The following TPD52 variants were observed in gnomAD, a reference collection of about 807,000 sequenced individuals.
The protein encoded by TPD52 is tumor protein D52.
In TPD52, 17 loss-of-function variants were observed where a neutral mutation model predicts 31.3. The observed-to-expected ratio is 0.54, with a 90% confidence interval of 0.37 to 0.82. The LOEUF is 0.82. TPD52 is among the 40% of genes least tolerant of loss of function. TPD52 has a pLI of 0.00. For synonymous variants in TPD52, 83 were observed against 89.6 expected (o/e 0.93, Z 0.42); for missense variants, 212 against 240.1 (o/e 0.88, Z 0.77).
chr8:80,164,050 G>C (rs1811548405), intron 1 of TPD52, among the ~76,000 whole-genome samples: 1 of 138,244 alleles, frequency 7.2e-6, no homozygotes, highest in Admixed American at 7.3e-5. Context: ...GAGAGAGAGA[G>C]AGAGACAGAC....
At chr8:80,170,902 T>C (rs1445421658) in intron 1 of TPD52, 1 of 293,216 alleles carries the variant, frequency 3.4e-6, no homozygotes, top group African/African-American at 2.3e-5. Flanking sequence ...GGGTTTCTAG[T>C]ATGATAAATA....
intron 5 of TPD52, among the ~76,000 whole-genome samples, chr8:80,048,272 T>A (rs1406974045): frequency 6.6e-6 from 1 of 152,192 alleles, no homozygotes; most frequent in Non-Finnish European, 1.5e-5. Context: ...AAGGCAAATA[T>A]CTAAATCCCA....
intron 1 of TPD52, among the ~76,000 whole-genome samples, chr8:80,073,181 AC>A (rs1814129286): frequency 6.6e-6 from 1 of 152,102 alleles, no homozygotes; most frequent in African/African-American, 2.4e-5. Context: ...TACCTCCCAT[AC>A]TTTTTGGCCC....
intron 1 of TPD52, among the ~76,000 whole-genome samples, chr8:80,103,540 T>C (rs1014201160): frequency 6.6e-6 from 1 of 152,190 alleles, no homozygotes; most frequent in Non-Finnish European, 1.5e-5. Flanking sequence ...AGATCTGATA[T>C]CAGAAGTGGG....
chr8:80,062,021 C>T lies in TPD52; in HGVS notation c.135+2457G>A, dbSNP rs376461329. ...ACCAAGTCAATCTATAAACTGAACG[C>T]GAGCCCTATCAAAATGCCAACAGCA... On this transcript the variant is annotated intron_variant, in intron 2 of 7. Transcript: ENST00000518937. Among the ~76,000 whole-genome samples, 10 of 152,200 alleles carry T rather than the reference C, an allele frequency of 6.6e-5. No homozygotes were observed. The East Asian group carries it at 1.3e-3, about 21-fold the overall frequency.
chr8:80,123,973 C>A (rs1052677754), intron 1 of TPD52, among the ~76,000 whole-genome samples: 3 of 152,144 alleles, frequency 2.0e-5, no homozygotes, highest in Admixed American at 2.0e-4. Context: ...TTATCAGCGA[C>A]AGCATGTCAG....
At chr8:80,080,616 T>C (rs551321144) in intron 1 of TPD52, 4 of 1,375,988 alleles carry the variant, frequency 2.9e-6, no homozygotes, top group East Asian at 5.1e-5. Context: ...GCATTTCCTT[T>C]TGGGAGCCTT....
intron 5 of TPD52, among the ~76,000 whole-genome samples, chr8:80,046,242 A>G (rs1247047882): frequency 6.6e-6 from 1 of 152,268 alleles, no homozygotes; most frequent in East Asian, 1.9e-4. Context: ...TGTATGCATT[A>G]TATCACACTT....
intron 1 of TPD52, among the ~76,000 whole-genome samples, chr8:80,107,828 A>G (rs1394703077): frequency 6.6e-6 from 1 of 152,210 alleles, no homozygotes; most frequent in Non-Finnish European, 1.5e-5. Flanking sequence ...TCGGTAAAAT[A>G]AAATGGGAGT....
chr8:80,100,916 C>G (rs1178945779), intron 1 of TPD52, among the ~76,000 whole-genome samples: 1 of 152,210 alleles, frequency 6.6e-6, no homozygotes, highest in Non-Finnish European at 1.5e-5. Flanking sequence ...CATCCAAAAA[C>G]AGCCTCAGAC....
At chr8:80,134,603 T>C (rs945532263) in intron 1 of TPD52, among the ~76,000 whole-genome samples, 8 of 152,206 alleles carry the variant, frequency 5.3e-5, no homozygotes, top group Admixed American at 1.3e-4. Flanking sequence ...GGAGTATCCT[T>C]GGCATTACTA....
At chr8:80,105,807 A>G (rs7011942) in intron 1 of TPD52, among the ~76,000 whole-genome samples, 95,302 of 148,806 alleles carry the variant, frequency 0.64, 31,877 homozygotes, top group African/African-American at 0.84. Flanking sequence ...TCTTGGCTCA[A>G]TGCAACCTCT....
chr8:80,038,756 C>A (rs1810102656), intron 7 of TPD52, among the ~76,000 whole-genome samples: 1 of 152,116 alleles, frequency 6.6e-6, no homozygotes, highest in African/African-American at 2.4e-5. Context: ...ATTAGAAATG[C>A]AGGATCTCAG....
At chr8:80,081,715 A>AT (rs11433117) in intron 1 of TPD52, among the ~76,000 whole-genome samples, 69,242 of 149,428 alleles carry the variant, frequency 0.46, 16,081 homozygotes, top group East Asian at 0.76. Flanking sequence ...TCATCTTGTG[A>AT]TTTTTTTTTT....
intron 3 of TPD52, chr8:80,051,890 G>A (rs1811423773): frequency 5.5e-6 from 2 of 362,386 alleles, no homozygotes; most frequent in Admixed American, 4.3e-5. Context: ...GGCCAAAGAA[G>A]TCAAGGTAAG....
chr8:80,166,394 G>A (rs530368488), intron 1 of TPD52, among the ~76,000 whole-genome samples: 11 of 151,762 alleles, frequency 7.2e-5, no homozygotes, highest in East Asian at 2.0e-4. Context: ...CACCACACCC[G>A]GCTAATTTTG....
At chr8:80,152,272 A>G (rs1017124372) in intron 1 of TPD52, among the ~76,000 whole-genome samples, 1 of 152,130 alleles carries the variant, frequency 6.6e-6, no homozygotes, top group Non-Finnish European at 1.5e-5. Flanking sequence ...TATCCTCAGC[A>G]GGAGGATGAA....
At chr8:80,128,882 G>GA (rs1808821188) in intron 1 of TPD52, among the ~76,000 whole-genome samples, 4 of 149,842 alleles carry the variant, frequency 2.7e-5, no homozygotes, top group African/African-American at 4.9e-5. Context: ...TTTACATCTG[G>GA]GTTTTTTTTT....
rs762805549 is a variant in TPD52, at chr8:80,086,101, C to CTT, written c.20-21510_20-21509dup. On this transcript the variant is annotated intron_variant, in intron 1 of 7. Coordinates refer to ENST00000518937, the MANE Select transcript of TPD52 (RefSeq NM_001025253.3). ...TTTGTTGTTGCTTCGGGTTTTTTTG[C>CTT]TTTTTTTTTTTTTTAGTTTTTTTTT... is the stretch of plus-strand genomic sequence containing the variant. Among the ~76,000 whole-genome samples, 70 of 112,646 alleles carry CTT rather than the reference C, an allele frequency of 6.2e-4. 1 individual carries two copies. The highest frequency in any genetic ancestry group is 9.1e-4 in the South Asian group (3 of 3,294). 73.9% of individuals were successfully genotyped at this position (112,646 alleles called of 152,430 possible).
Sources: gnomAD v4.1 joint callset for allele counts (sites outside exome capture counted in the v4.1 genomes callset) on GRCh38, gnomAD v4.1.1 for gene constraint, MANE v1.5 for transcripts, NCBI Gene and HGNC (gene_info 2026-07-23, HGNC 2026-07-21) for gene names.